Variants in SPATA6 observed in about 807,000 individuals in gnomAD.
The protein encoded by SPATA6 is spermatogenesis-associated protein 6.
Under a neutral mutation model 65.3 loss-of-function variants are expected in SPATA6, and 56 were observed. The ratio of observed to expected loss-of-function variants is 0.86; its 90% confidence interval spans 0.69 to 1.07. The LOEUF is 1.07. Ranked by LOEUF, SPATA6 falls within the 50% of genes least tolerant of loss-of-function variation. SPATA6 has a pLI of 0.00. For synonymous variants in SPATA6, 199 were observed against 213.2 expected, an observed-to-expected ratio of 0.93 and a Z score of 0.58; for missense variants, 590 against 594.8, an observed-to-expected ratio of 0.99 and a Z score of 0.08.
At chr1:48,404,899 C>G (rs1651553246) in intron 5 of SPATA6, among the ~76,000 whole-genome samples, 1 of 152,118 alleles carries the variant, frequency 6.6e-6, no homozygotes, top group Admixed American at 6.5e-5. Context: ...TATTTGGAAG[C>G]ACACAATTAC....
At chr1:48,428,775 A>ATGTGTGTGTGTGTGTGTGTGTGTG (rs59651745) in intron 3 of SPATA6, among the ~76,000 whole-genome samples, 70 of 133,564 alleles carry the variant, frequency 5.2e-4, no homozygotes, top group Non-Finnish European at 5.9e-4. Flanking sequence ...AGGTGTATAT[A>ATGTGTGTGTGTGTGTGTGTGTGTG]TGTGTGTGTG....
chr1:48,276,101 C>T, the SPATA6 span, among the ~76,000 whole-genome samples: 2 of 152,088 alleles, frequency 1.3e-5, no homozygotes, highest in Non-Finnish European at 2.9e-5. Context: ...ATTTCTTCTA[C>T]ATTTTCTAGT....
chr1:48,387,087 G>T (rs1053077826), intron 8 of SPATA6, among the ~76,000 whole-genome samples: 1 of 152,230 alleles, frequency 6.6e-6, no homozygotes, highest in Non-Finnish European at 1.5e-5. Context: ...GGAAGAGCAA[G>T]TCACGTCTTA....
intron 11 of SPATA6, among the ~76,000 whole-genome samples, chr1:48,307,361 T>A (rs1163247521): frequency 2.0e-5 from 3 of 147,894 alleles, no homozygotes; most frequent in Non-Finnish European, 4.5e-5. Flanking sequence ...TATATATAAT[T>A]ATATATTTAT....
intron 9 of SPATA6, among the ~76,000 whole-genome samples, chr1:48,360,147 T>C (rs1198232708): frequency 6.6e-6 from 1 of 152,174 alleles, no homozygotes; most frequent in Non-Finnish European, 1.5e-5. Context: ...AATTCAGGTC[T>C]AATACTCATT....
intron 9 of SPATA6, among the ~76,000 whole-genome samples, chr1:48,376,656 T>C (rs1647949094): frequency 6.6e-6 from 1 of 152,160 alleles, no homozygotes; most frequent in Non-Finnish European, 1.5e-5. Context: ...GTGTTCTCAT[T>C]GTTAAGTATG....
At chr1:48,384,992 A>C (rs1649306031) in intron 9 of SPATA6, among the ~76,000 whole-genome samples, 1 of 152,200 alleles carries the variant, frequency 6.6e-6, no homozygotes, top group African/African-American at 2.4e-5. Context: ...AATGACTGAA[A>C]TTTGGAAATA....
At chr1:48,281,784 C>T in the SPATA6 span, among the ~76,000 whole-genome samples, 294 of 152,042 alleles carry the variant, frequency 1.9e-3, 1 homozygote, top group Non-Finnish European at 3.2e-3. Flanking sequence ...GATTCAATGC[C>T]ATCCCCATCA....
At chr1:48,411,702 G>A (rs1009874303) in intron 4 of SPATA6, 114 bp from the exon 5 acceptor site, 24 of 904,512 alleles carry the variant, frequency 2.7e-5, no homozygotes, top group African/African-American at 5.2e-5. Flanking sequence ...CCTGTTTTGG[G>A]TCATGTTTAT....
chr1:48,271,059 T>C, the SPATA6 span, among the ~76,000 whole-genome samples: 2 of 152,134 alleles, frequency 1.3e-5, no homozygotes, highest in Non-Finnish European at 2.9e-5. Context: ...AGATAAGGCA[T>C]TGGGACAGAA....
At chr1:48,409,816 C>T (rs1652046752) in intron 5 of SPATA6, among the ~76,000 whole-genome samples, 1 of 152,212 alleles carries the variant, frequency 6.6e-6, no homozygotes, top group South Asian at 2.1e-4. Context: ...GTGGCTGAGA[C>T]ACAGCACCAA....
chr1:48,364,350 A>G (rs1437587104), intron 9 of SPATA6, among the ~76,000 whole-genome samples: 2 of 152,196 alleles, frequency 1.3e-5, no homozygotes, highest in Non-Finnish European at 1.5e-5. Context: ...TGGTACTTCT[A>G]GTTCTAGATC....
chr1:48,431,227 T>C (rs1300721398), intron 3 of SPATA6, among the ~76,000 whole-genome samples: 2 of 152,086 alleles, frequency 1.3e-5, no homozygotes. Flanking sequence ...GTAACAATTG[T>C]AAACATTTAT....
chr1:48,424,360 A>C (rs1447077473), intron 3 of SPATA6, among the ~76,000 whole-genome samples: 2 of 152,234 alleles, frequency 1.3e-5, no homozygotes, highest in Non-Finnish European at 2.9e-5. Context: ...ATAATACTCT[A>C]TTGAGTAAAT....
chr1:48,374,201 G>A (rs777659755), intron 9 of SPATA6, among the ~76,000 whole-genome samples: 4 of 151,804 alleles, frequency 2.6e-5, no homozygotes, highest in Non-Finnish European at 5.9e-5. Context: ...TTTATATGTA[G>A]ATGATAAGTT....
rs187559811 is a variant in SPATA6, at chr1:48,415,713, G to A, written c.239-2562C>T. ...AACAAAAGGTATAAATACACGTGAT[G>A]AGAATACCAGAAAGAGAAGAAACAG... On this transcript the variant is annotated intron_variant, in intron 3 of 12. Coordinates refer to ENST00000371847, the MANE Select transcript of SPATA6 (RefSeq NM_019073.4). Among the ~76,000 whole-genome samples, 464 of 150,024 alleles carry A rather than the reference G, an allele frequency of 3.1e-3. 4 individuals carry two copies. The highest frequency in any genetic ancestry group is 0.011 in the African/African-American group (440 of 40,826).
chr1:48,407,707 T>C (rs1030592686), intron 5 of SPATA6, among the ~76,000 whole-genome samples: 2 of 152,224 alleles, frequency 1.3e-5, no homozygotes, highest in African/African-American at 2.4e-5. Flanking sequence ...TCCAGTATCC[T>C]GAATTCATTG....
At chr1:48,444,910 A>G (rs1285013247) in intron 3 of SPATA6, among the ~76,000 whole-genome samples, 1 of 152,190 alleles carries the variant, frequency 6.6e-6, no homozygotes, top group East Asian at 1.9e-4. Context: ...CTGACCATTT[A>G]TAGGCTTTCC....
chr1:48,366,182 T>A (rs549113179), intron 9 of SPATA6, among the ~76,000 whole-genome samples: 2 of 152,336 alleles, frequency 1.3e-5, no homozygotes, highest in East Asian at 3.9e-4. Context: ...GATGTGCTGC[T>A]GGATTCGGTT....
Sources: allele counts gnomAD v4.1 joint callset (sites outside exome capture counted in the v4.1 genomes callset), GRCh38; gene constraint gnomAD v4.1.1; transcripts MANE v1.5; gene names NCBI Gene and HGNC (gene_info 2026-07-23, HGNC 2026-07-21).